RBFOX1: variants seen among roughly 807,000 people sequenced by gnomAD.
RBFOX1 encodes the protein RNA binding protein fox-1 homolog 1.
A neutral mutation model predicts 57.7 loss-of-function variants in RBFOX1; 8 were observed. That is an observed-to-expected ratio of 0.14 (90% CI 0.08 to 0.25). The LOEUF (loss-of-function observed/expected upper bound fraction) is 0.25. RBFOX1 is among the 10% of genes least tolerant of loss of function. The probability of loss-of-function intolerance (pLI) is 1.00; values close to 1 mark genes in which losing one functional copy is unlikely to be tolerated. For synonymous variants in RBFOX1, 326 were observed against 222.4 expected, an observed-to-expected ratio of 1.47 and a Z score of -4.15; for missense variants, 611 against 548.5, an observed-to-expected ratio of 1.11 and a Z score of -1.14.
At chr16:5,698,956 T>C (rs555913450) in intron 3 of RBFOX1, among the ~76,000 whole-genome samples, 2 of 151,558 alleles carry the variant, frequency 1.3e-5, no homozygotes, top group Non-Finnish European at 2.9e-5. Context: ...GTTTTAGATA[T>C]CTCTCTTATA....
intron 4 of RBFOX1, among the ~76,000 whole-genome samples, chr16:7,178,072 A>G (rs1224533082): frequency 2.0e-5 from 3 of 152,232 alleles, no homozygotes; most frequent in Admixed American, 6.5e-5. Flanking sequence ...GAAAGTCAGT[A>G]TGTGTCAGGA....
intron 3 of RBFOX1, among the ~76,000 whole-genome samples, chr16:6,703,226 TATTA>T (rs1196975864): frequency 6.6e-6 from 1 of 152,234 alleles, no homozygotes; most frequent in Non-Finnish European, 1.5e-5. Flanking sequence ...ATAATGCTTC[TATTA>T]ATTACTTATT....
At chr16:6,591,257 C>T (rs562095562) in intron 2 of RBFOX1, among the ~76,000 whole-genome samples, 3 of 152,032 alleles carry the variant, frequency 2.0e-5, no homozygotes, top group Admixed American at 2.0e-4. Context: ...ACCAGCCTGG[C>T]CAACATGATG....
chr16:6,484,567 C>G (rs946117386), intron 2 of RBFOX1, among the ~76,000 whole-genome samples: 2 of 152,162 alleles, frequency 1.3e-5, no homozygotes, highest in African/African-American at 4.8e-5. Context: ...ATATTATATA[C>G]AGAGTGTCGA....
intron 4 of RBFOX1, among the ~76,000 whole-genome samples, chr16:5,998,717 C>T (rs1254507865): frequency 6.6e-6 from 1 of 152,128 alleles, no homozygotes; most frequent in African/African-American, 2.4e-5. Flanking sequence ...GAGAACTTTA[C>T]CCAGTCTCTG....
intron 4 of RBFOX1, among the ~76,000 whole-genome samples, chr16:5,993,691 C>G (rs1013696692): frequency 6.6e-6 from 1 of 152,068 alleles, no homozygotes; most frequent in Non-Finnish European, 1.5e-5. Flanking sequence ...TGAGTTGTGT[C>G]GCTGCATTAA....
intron 1 of RBFOX1, among the ~76,000 whole-genome samples, chr16:6,051,809 C>G (rs139280324): frequency 1.3e-5 from 2 of 152,236 alleles, no homozygotes; most frequent in East Asian, 1.9e-4. Context: ...GGTGATCCAC[C>G]CACCCTGGCC....
intron 4 of RBFOX1, among the ~76,000 whole-genome samples, chr16:7,135,713 A>G (rs2071737850): frequency 6.6e-6 from 1 of 152,230 alleles, no homozygotes; most frequent in South Asian, 2.1e-4. Flanking sequence ...GTGAATTGAA[A>G]TTTTACCAAT....
chr16:5,686,658 G>A (rs1376127243), intron 3 of RBFOX1, among the ~76,000 whole-genome samples: 1 of 152,070 alleles, frequency 6.6e-6, no homozygotes, highest in African/African-American at 2.4e-5. Flanking sequence ...ATATTGATTT[G>A]ACCCTCAGTA....
chr16:5,722,461 C>A (rs981570892), intron 3 of RBFOX1, among the ~76,000 whole-genome samples: 7 of 152,142 alleles, frequency 4.6e-5, no homozygotes, highest in Non-Finnish European at 1.0e-4. Context: ...TAGAGAAATC[C>A]AGATACAATT....
At chr16:6,203,268 A>G (rs895836927) in intron 1 of RBFOX1, among the ~76,000 whole-genome samples, 3 of 152,110 alleles carry the variant, frequency 2.0e-5, no homozygotes, top group African/African-American at 7.2e-5. Context: ...TCTCCAACCC[A>G]TGGCAACCAC....
chr16:7,134,093 T>C (rs893370681), intron 4 of RBFOX1, among the ~76,000 whole-genome samples: 1 of 152,210 alleles, frequency 6.6e-6, no homozygotes, highest in Non-Finnish European at 1.5e-5. Context: ...CAGTTTGTTA[T>C]GCTGTATAAA....
chr16:6,795,925 G>C (rs2083913269), intron 3 of RBFOX1, among the ~76,000 whole-genome samples: 1 of 152,006 alleles, frequency 6.6e-6, no homozygotes, highest in Non-Finnish European at 1.5e-5. Context: ...TTACCTGTCA[G>C]TGAATCCAAA....
At chr16:6,119,954 C>G (rs913736082) in intron 1 of RBFOX1, among the ~76,000 whole-genome samples, 1 of 152,212 alleles carries the variant, frequency 6.6e-6, no homozygotes, top group Non-Finnish European at 1.5e-5. Context: ...CTCCTCTGCC[C>G]CAGCCCTTAG....
intron 2 of RBFOX1, among the ~76,000 whole-genome samples, chr16:6,653,730 ATGGATAGATGGATGGATGGG>A (rs1801681859): frequency 6.6e-6 from 1 of 151,232 alleles, no homozygotes; most frequent in African/African-American, 2.4e-5. Flanking sequence ...TGGATAGAGG[ATGGATAGATGGATGGATGGG>A]TGGGTAGATG....
intron 3 of RBFOX1, among the ~76,000 whole-genome samples, chr16:5,689,805 C>CA (rs5815263): frequency 0.8 from 117,138 of 146,228 alleles, 50,780 homozygotes; most frequent in East Asian, 1. Context: ...AAATACAGAC[C>CA]AAAAAAAAAA....
intron 15 of RBFOX1, chr16:7,709,588 CCT>C: frequency 1.3e-6 from 2 of 1,530,808 alleles, no homozygotes; most frequent in Non-Finnish European, 1.8e-6. Context: ...GACTGCCTCT[CCT>C]CCCCTATTAC....
At chr16:7,321,462 C>G (rs976244055) in intron 4 of RBFOX1, among the ~76,000 whole-genome samples, 1 of 151,928 alleles carries the variant, frequency 6.6e-6, no homozygotes, top group Non-Finnish European at 1.5e-5. Flanking sequence ...AATATGTTTT[C>G]AAAAAACAAA....
At chr16:6,969,545 G>A (rs2085051195) in intron 3 of RBFOX1, among the ~76,000 whole-genome samples, 1 of 151,720 alleles carries the variant, frequency 6.6e-6, no homozygotes, top group Admixed American at 6.6e-5. Flanking sequence ...GACCACACTG[G>A]GCAACAAAAT....
Sources: gnomAD v4.1 joint callset for allele counts (sites outside exome capture counted in the v4.1 genomes callset) on GRCh38, gnomAD v4.1.1 for gene constraint, MANE v1.5 for transcripts, NCBI Gene and HGNC (gene_info 2026-07-23, HGNC 2026-07-21) for gene names.